LTBP1: variants seen among roughly 807,000 people sequenced by gnomAD.
LTBP1 encodes the protein latent-transforming growth factor beta-binding protein 1.
A neutral mutation model predicts 207.6 loss-of-function variants in LTBP1; 129 were observed. The observed-to-expected ratio is 0.62, with a 90% CI of 0.54 to 0.72. The LOEUF is 0.72. Ranked by LOEUF, LTBP1 falls within the 30% of genes least tolerant of loss-of-function variation. LTBP1 has a pLI of 0.00. For missense variants in LTBP1, 2,281 were observed against 2,217.2 expected, an observed-to-expected ratio of 1.03 and a Z score of -0.58; for synonymous variants, 963 against 833.7, an observed-to-expected ratio of 1.16 and a Z score of -2.67.
chr2:33,394,144 A>AT (rs1260523969), intron 32 of LTBP1, among the ~76,000 whole-genome samples: 16 of 151,234 alleles, frequency 1.1e-4, no homozygotes, highest in Non-Finnish European at 3.0e-5. Flanking sequence ...GGGTTGTTTG[A>AT]TTTTTTTTCT....
At chr2:33,113,934 A>C (rs527898001) in intron 4 of LTBP1, among the ~76,000 whole-genome samples, 1 of 152,186 alleles carries the variant, frequency 6.6e-6, no homozygotes, top group African/African-American at 2.4e-5. Flanking sequence ...TCTGCCTCCC[A>C]GGCTCAAGTG....
chr2:33,347,541 G>T, intron 26 of LTBP1, 31 bp downstream of exon 26: 2 of 1,612,676 alleles, frequency 1.2e-6, no homozygotes, highest in South Asian at 1.1e-5. Context: ...GCAAGGGAAT[G>T]ACAGGCTCCT....
chr2:33,094,059 GT>G (rs2079253039), intron 3 of LTBP1, among the ~76,000 whole-genome samples: 1 of 152,136 alleles, frequency 6.6e-6, no homozygotes. Flanking sequence ...TAGTGGGTTA[GT>G]AATGTAAGTT....
chr2:32,978,128 G>T (rs551521719), intron 2 of LTBP1, among the ~76,000 whole-genome samples: 1 of 152,016 alleles, frequency 6.6e-6, no homozygotes, highest in Non-Finnish European at 1.5e-5. Flanking sequence ...GAGTTTTTAG[G>T]TTTTTCCAAA....
At chr2:33,205,680 G>A (rs2089806587) in intron 7 of LTBP1, among the ~76,000 whole-genome samples, 1 of 152,104 alleles carries the variant, frequency 6.6e-6, no homozygotes, top group Admixed American at 6.5e-5. Context: ...GAGTCCCATG[G>A]CCATACCTAT....
intron 3 of LTBP1, among the ~76,000 whole-genome samples, chr2:33,083,267 C>A (rs1469204721): frequency 6.6e-6 from 1 of 151,698 alleles, no homozygotes; most frequent in Non-Finnish European, 1.5e-5. Flanking sequence ...CTCTCAAGAT[C>A]AATGAACATA....
intron 5 of LTBP1, among the ~76,000 whole-genome samples, chr2:33,141,064 C>G (rs866406269): frequency 2.0e-5 from 3 of 152,200 alleles, no homozygotes; most frequent in Non-Finnish European, 4.4e-5. Context: ...ATACTATGTG[C>G]CAGGTATGGG....
intron 25 of LTBP1, among the ~76,000 whole-genome samples, chr2:33,346,111 G>A (rs1400158257): frequency 6.6e-6 from 1 of 152,124 alleles, no homozygotes; most frequent in Non-Finnish European, 1.5e-5. Flanking sequence ...ATTACACAGT[G>A]GAACATCAAC....
At chr2:33,092,406 T>A (rs1238216870) in intron 3 of LTBP1, among the ~76,000 whole-genome samples, 1 of 152,262 alleles carries the variant, frequency 6.6e-6, no homozygotes, top group Non-Finnish European at 1.5e-5. Flanking sequence ...TTAGAACTTG[T>A]AAAACTCACA....
At chr2:33,106,882 G>A (rs1008718288) in intron 3 of LTBP1, among the ~76,000 whole-genome samples, 1 of 152,138 alleles carries the variant, frequency 6.6e-6, no homozygotes, top group African/African-American at 2.4e-5. Flanking sequence ...GCTTGAGTTG[G>A]GGAAAACAGT....
intron 5 of LTBP1, among the ~76,000 whole-genome samples, chr2:33,175,088 T>C (rs1321714331): frequency 1.3e-5 from 2 of 152,084 alleles, no homozygotes; most frequent in Non-Finnish European, 2.9e-5. Context: ...ATTCAGGACA[T>C]AGGCATGGGC....
At chr2:33,011,745 T>A (rs17012451) in intron 2 of LTBP1, among the ~76,000 whole-genome samples, 12,784 of 151,938 alleles carry the variant, frequency 0.084, 869 homozygotes, top group East Asian at 0.28. Flanking sequence ...ATGTCTCTGG[T>A]GATTATACTA....
chr2:33,050,583 A>C (rs910918587), intron 3 of LTBP1, among the ~76,000 whole-genome samples: 14 of 152,186 alleles, frequency 9.2e-5, no homozygotes, highest in African/African-American at 3.4e-4. Context: ...TTAAGTTTAA[A>C]GCAAAGTAGT....
chr2:33,253,251 C>T (rs186790021), intron 11 of LTBP1, among the ~76,000 whole-genome samples: 4,306 of 152,116 alleles, frequency 0.028, 224 homozygotes, highest in African/African-American at 0.097. Flanking sequence ...TATTGAGTAT[C>T]GTGCTTAATT....
intron 5 of LTBP1, among the ~76,000 whole-genome samples, chr2:33,138,341 G>C (rs761137815): frequency 6.6e-6 from 1 of 152,198 alleles, no homozygotes; most frequent in African/African-American, 2.4e-5. Flanking sequence ...GAAGCACTCT[G>C]AGATTCTAGA....
chr2:33,335,331 C>T (rs1044456765), intron 24 of LTBP1, among the ~76,000 whole-genome samples: 1 of 146,578 alleles, frequency 6.8e-6, no homozygotes, highest in Non-Finnish European at 1.5e-5. Context: ...TCAAGGTCCC[C>T]GTGTTTTTTT....
intron 24 of LTBP1, among the ~76,000 whole-genome samples, chr2:33,332,064 A>G (rs143307374): frequency 2.0e-5 from 3 of 152,278 alleles, no homozygotes; most frequent in African/African-American, 7.2e-5. Context: ...CAAGTTTTCA[A>G]TATTTTAAAA....
intron 2 of LTBP1, among the ~76,000 whole-genome samples, chr2:32,961,086 T>C (rs1415679948): frequency 2.0e-5 from 3 of 152,176 alleles, no homozygotes; most frequent in African/African-American, 7.2e-5. Flanking sequence ...TGGAAAAATA[T>C]CTTACGTAGA....
chr2:33,165,003 A>G (rs2084799174), intron 5 of LTBP1, among the ~76,000 whole-genome samples: 1 of 152,210 alleles, frequency 6.6e-6, no homozygotes, highest in African/African-American at 2.4e-5. Context: ...GAGTGTGAAG[A>G]GGAATTCTTT....
Sources: gnomAD v4.1 joint callset for allele counts (sites outside exome capture counted in the v4.1 genomes callset) on GRCh38, gnomAD v4.1.1 for gene constraint, MANE v1.5 for transcripts, NCBI Gene and HGNC (gene_info 2026-07-23, HGNC 2026-07-21) for gene names.